Variants in IFT46 observed in about 807,000 individuals in gnomAD.
IFT46 encodes intraflagellar transport 46.
A neutral mutation model predicts 39.6 loss-of-function variants in IFT46; 19 were observed. The ratio of observed to expected loss-of-function variants is 0.48; its 90% CI spans 0.33 to 0.70. IFT46 has a LOEUF of 0.70. Among genes scored for constraint, IFT46 ranks in the 30% least tolerant of loss-of-function variants. The pLI is 0.01. For synonymous variants in IFT46, 117 were observed against 134.8 expected (o/e 0.87, Z 0.91); for missense variants, 334 against 364.8 (o/e 0.92, Z 0.69).
chr11:118,560,063 G>T, intron 2 of IFT46, 199 bp from the exon 3 acceptor site: 1 of 571,656 alleles, frequency 1.7e-6, no homozygotes, highest in Non-Finnish European at 3.1e-6. Flanking sequence ...ACATTACTGT[G>T]CTTAAGGCAT....
upstream of IFT46, chr11:118,573,607 C>T: frequency 1.4e-6 from 1 of 689,738 alleles, no homozygotes; most frequent in Non-Finnish European, 2.6e-6. Flanking sequence ...CTTTTTTATT[C>T]TTTTGTCAAT....
upstream of IFT46, among the ~76,000 whole-genome samples, chr11:118,567,943 G>A (rs782475610): frequency 2.6e-5 from 4 of 152,254 alleles, no homozygotes; most frequent in South Asian, 2.1e-4. Context: ...CATAATAAGC[G>A]CTGAAAATAG....
intron 7 of IFT46, 24 bp from the exon 8 acceptor site, chr11:118,552,359 A>C: frequency 6.2e-7 from 1 of 1,613,010 alleles, no homozygotes; most frequent in Non-Finnish European, 8.5e-7. Flanking sequence ...GAGAAAGCCT[A>C]GCTGATGGCA....
intron 7 of IFT46, 149 bp downstream of exon 7, chr11:118,554,310 C>A (rs1937753054): frequency 5.1e-6 from 3 of 585,670 alleles, no homozygotes; most frequent in Non-Finnish European, 8.1e-6. Flanking sequence ...CCCGCCTCGG[C>A]CTCCCAAAGT....
chr11:118,570,218 TA>T (rs1938309284), upstream of IFT46, among the ~76,000 whole-genome samples: 1 of 151,060 alleles, frequency 6.6e-6, no homozygotes, highest in Non-Finnish European at 1.5e-5. Context: ...CATGCCCAGC[TA>T]ATTTTTTTTT....
rs149846317 is a variant in IFT46, at chr11:118,558,280, C to T, written c.46-1235G>A. Among the ~76,000 whole-genome samples the T allele has an allele frequency of 8.7e-4, 133 of 152,284 alleles. 3 individuals carry two copies. In the East Asian group the frequency reaches 0.011, roughly 13 times the overall value. On this transcript the variant is annotated intron_variant, in intron 3 of 11. Coordinates refer to ENST00000264021, the MANE Select transcript of IFT46 (RefSeq NM_001168618.2). ...AAATTATCCTTAGTCACATAGGAAG[C>T]AGTTTTGGCAGAGGGAACTTTTAAG...
At chr11:118,575,683 T>G (rs1451630574), upstream of IFT46, among the ~76,000 whole-genome samples, 2 of 152,198 alleles carry the variant, frequency 1.3e-5, no homozygotes, top group African/African-American at 4.8e-5. Context: ...TATAAAATAT[T>G]GCGGTGAATT....
chr11:118,573,213 TG>T (rs1374296035), upstream of IFT46, among the ~76,000 whole-genome samples: 2 of 152,190 alleles, frequency 1.3e-5, no homozygotes, highest in Non-Finnish European at 2.9e-5. Context: ...TGTAGACCAC[TG>T]GGAAAATGTG....
chr11:118,568,787 C>T (rs1397791439), upstream of IFT46, among the ~76,000 whole-genome samples: 1 of 151,500 alleles, frequency 6.6e-6, no homozygotes, highest in Non-Finnish European at 1.5e-5. Context: ...CACCGAGTAG[C>T]TGGGACTATA....
rs1210828325 is a variant in IFT46 at position 118,560,753 on chromosome 11, AGAC to A, written c.-35-892_-35-890del. 23 of 683,944 alleles carry A rather than the reference AGAC, an allele frequency of 3.4e-5. No homozygotes were observed. The African/African-American group carries it at 3.4e-4, about 10-fold the overall frequency. The allele number at this position is 683,944 out of a possible 1,614,324, so 42.4% of individuals were successfully genotyped here. ...TAAGAGATACCAAGTGAAATTTAGAAGACGACGAGAGGGTAAAACTGGTTACTA... is the reference window on the plus strand; with the variant it reads ...TAAGAGATACCAAGTGAAATTTAGAAGACGAGAGGGTAAAACTGGTTACTA... On this transcript the variant is annotated intron_variant, in intron 2 of 11. Transcript: ENST00000264021.
At chr11:118,560,849 C>T (rs189428590) in intron 2 of IFT46, 62 of 758,452 alleles carry the variant, frequency 8.2e-5, no homozygotes, top group South Asian at 4.6e-4. Context: ...GATGATAGTT[C>T]GTGTAACAAA....
intron 2 of IFT46, among the ~76,000 whole-genome samples, chr11:118,561,994 G>A (rs1159028026): frequency 6.6e-6 from 1 of 151,852 alleles, no homozygotes; most frequent in Non-Finnish European, 1.5e-5. Flanking sequence ...CAAAAATTAG[G>A]CCGGGCACAG....
rs1456919101 is a variant in IFT46 at position 118,548,038 on chromosome 11, G to A, written c.673-2185C>T. Among the ~76,000 whole-genome samples the A allele has an allele frequency of 3.1e-4, 44 of 143,088 alleles. 1 individual carries two copies. The highest frequency in any genetic ancestry group is 2.4e-3 in the Admixed American group (35 of 14,518). 93.9% of individuals were successfully genotyped at this position (143,088 alleles called of 152,430 possible). A position where few individuals can be genotyped will look rare whatever the true frequency, so the allele number is the denominator to read the frequency against. On this transcript the variant is annotated intron_variant, in intron 9 of 11. Transcript: ENST00000264021. ...TGGGATTACAGGCGTGAGCCACCAC[G>A]CCCAGCCTTTTTTTTTTTTTTTTTT...
chr11:118,546,334 C>CA, intron 9 of IFT46: 1 of 586,580 alleles, frequency 1.7e-6, no homozygotes, highest in South Asian at 2.0e-5. Flanking sequence ...TCCATCTCTA[C>CA]AAAAAAATTA....
upstream of IFT46, among the ~76,000 whole-genome samples, chr11:118,574,563 A>G (rs1044993329): frequency 1.3e-5 from 2 of 152,120 alleles, no homozygotes. Context: ...AAAAATATAC[A>G]TTTCAAAGTA....
exon 1 of IFT46, chr11:118,572,947 G>A: frequency 4.2e-6 from 1 of 235,866 alleles, no homozygotes; most frequent in Non-Finnish European, 8.2e-6. Context: ...CCTGTCTCCG[G>A]AGGTTCTGGT....
intron 11 of IFT46, 102 bp downstream of exon 11, chr11:118,545,307 A>G: frequency 1.1e-6 from 1 of 874,904 alleles, no homozygotes; most frequent in Non-Finnish European, 1.9e-6. Flanking sequence ...CTGGGCAGAG[A>G]CATCCTACAT....
At chr11:118,556,685 G>A (rs1010356798) in intron 4 of IFT46, among the ~76,000 whole-genome samples, 3 of 151,962 alleles carry the variant, frequency 2.0e-5, no homozygotes, top group African/African-American at 4.8e-5. Flanking sequence ...GCCCACAAAC[G>A]TTTCAGATAG....
At chr11:118,572,348 GCCCC>G (rs375845726) in intron 1 of IFT46, 1 of 94,084 alleles carries the variant, frequency 1.1e-5, no homozygotes, top group South Asian at 1.6e-4. Context: ...CACAGGCCCC[GCCCC>G]CCCCCCCGCC....
Sources: allele counts gnomAD v4.1 joint callset (sites outside exome capture counted in the v4.1 genomes callset), GRCh38; gene constraint gnomAD v4.1.1; transcripts MANE v1.5; gene names NCBI Gene and HGNC (gene_info 2026-07-23, HGNC 2026-07-21).